The following CCHCR1 variants were observed in gnomAD, a reference collection of about 807,000 sequenced individuals.
CCHCR1 encodes the protein coiled-coil alpha-helical rod protein 1, also known as HCR (a-helix coiled-coil rod homologue).
A neutral mutation model predicts 114.6 loss-of-function variants in CCHCR1; 91 were observed. The observed-to-expected ratio is 0.79, with a 90% CI of 0.67 to 0.94. The LOEUF (loss-of-function observed/expected upper bound fraction) is 0.94, where lower values mean the gene tolerates loss of function less well. Among genes scored for constraint, CCHCR1 ranks in the 40% least tolerant of loss-of-function variants. The pLI, the probability that CCHCR1 is intolerant of heterozygous loss-of-function variation, is 0.00. For missense variants in CCHCR1, 899 were observed against 1,079.9 expected, an observed-to-expected ratio of 0.83 and a Z score of 2.35; for synonymous variants, 379 against 428.5, an observed-to-expected ratio of 0.88 and a Z score of 1.43.
In CCHCR1 at chr6:31,150,933, G is replaced by T. The variant is rs746987024; in HGVS notation, c.965+26C>A. 1 of 1,611,506 alleles carries T rather than the reference G, an allele frequency of 6.2e-7. No individual in the cohort carries two copies. Among genetic ancestry groups the T allele is most frequent in the South Asian group, 1.1e-5 (1 of 90,984 alleles). On this transcript the variant is annotated intron_variant, in intron 5 of 17. Transcript: ENST00000396268. The surrounding 1 kb of genome is among the most constrained non-coding windows in gnomAD (Gnocchi z 5.3). The stretch of plus-strand genomic sequence containing the variant: ...GATCCACCACATCACTAATTGCTGG[G>T]CTCCCGTCGGCGTCCGCCCACCTAC...
At chr6:31,152,542 T>C (rs1374910542) in intron 4 of CCHCR1, among the ~76,000 whole-genome samples, 1 of 152,112 alleles carries the variant, frequency 6.6e-6, no homozygotes, top group Admixed American at 6.5e-5. Flanking sequence ...TTTTACCATG[T>C]TGGCCAGGCT....
rs1162808054 is a variant in CCHCR1, at chr6:31,150,438, T to C, written c.1212+17A>G. Reference sequence around the variant, plus strand: ...AGGATGCGGCTGAGGGTGAGGGGTCTGGGGGTTGGGCTGTACCTTCCTGGT... The same window carrying C: ...AGGATGCGGCTGAGGGTGAGGGGTCCGGGGGTTGGGCTGTACCTTCCTGGT... On this transcript the variant is annotated intron_variant, in intron 7 of 17. Transcript: ENST00000396268. The surrounding 1 kb of genome is among the most constrained non-coding windows in gnomAD (Gnocchi z 5.3). 1 of 1,600,826 alleles carries C rather than the reference T, an allele frequency of 6.2e-7. No homozygotes were observed. Among genetic ancestry groups the C allele is most frequent in the Non-Finnish European group, 8.5e-7 (1 of 1,170,712 alleles).
At position 31,154,748 on chromosome 6, in the gene CCHCR1, G is replaced by A. The variant is rs780859794; in HGVS notation, c.549C>T (p.Ile183=). The A allele has an allele frequency of 1.2e-5, 20 of 1,606,732 alleles. No individual in the cohort carries two copies. Among genetic ancestry groups the A allele is most frequent in the East Asian group, 6.7e-5 (3 of 44,892 alleles). The change falls in exon 4 of 18, where the codon ATC becomes ATT. Residue 183 remains isoleucine, a synonymous_variant. Transcript: ENST00000396268. The surrounding 1 kb of genome is among the most constrained non-coding windows in gnomAD (Gnocchi z 4.1). ...GCCGCAGCTCTTGCAGCTGCCGAAC[G>A]ATCACCTCAGCCTGCTGGCTCAGGG... The part of the protein sequence containing the change: ...SQALSQQAEV[I]VRQLQELRRL...
intron 8 of CCHCR1, chr6:31,149,276 A>G (rs2022084): frequency 0.75 from 115,272 of 154,102 alleles, 43,163 homozygotes; most frequent in Middle Eastern, 0.85. Context: ...GTGCCCACTC[A>G]AAGATGGGAA....
chr6:31,145,646 C>T, intron 11 of CCHCR1, 50 bp downstream of exon 11: 1 of 1,496,770 alleles, frequency 6.7e-7, no homozygotes, highest in South Asian at 1.1e-5. Flanking sequence ...AGAAGAAAGT[C>T]CGAGCTGGTG....
upstream of CCHCR1, chr6:31,158,000 C>A (rs720465): frequency 0.28 from 71,173 of 254,130 alleles, 10,789 homozygotes; most frequent in African/African-American, 0.32. Flanking sequence ...CCTAGATACC[C>A]GAGGCTTCAC....
At chr6:31,147,399 C>CAAAAAA (rs9278998) in intron 10 of CCHCR1, among the ~76,000 whole-genome samples, 62 of 126,948 alleles carry the variant, frequency 4.9e-4, no homozygotes, top group Non-Finnish European at 5.4e-4. Context: ...GACTCTGTCT[C>CAAAAAA]AAAAAAAAAA....
In CCHCR1 at chr6:31,144,774, C is replaced by A; in HGVS notation, c.2080G>T (p.Val694Leu). Reference sequence around the variant, plus strand: ...CGCAGCCGAGTTTCCACTTCAGCCACCTTTTCTTGCAGGGCTGGGGTGAAA... The same window carrying A: ...CGCAGCCGAGTTTCCACTTCAGCCAACTTTTCTTGCAGGGCTGGGGTGAAA... Reference protein sequence around the residue: ...ELYGQALQEKVAEVETRLREQ... With the variant: ...ELYGQALQEKLAEVETRLREQ... The change falls in exon 15 of 18, where the codon GTG (valine) becomes TTG (leucine). Residue 694 changes from valine to leucine, a missense_variant. Physicochemically the swap from Val to Leu is conservative, Grantham distance 32. Coordinates refer to ENST00000396268, the MANE Select transcript of CCHCR1 (RefSeq NM_001105564.2). The surrounding 1 kb of genome is among the most constrained non-coding windows in gnomAD (Gnocchi z 4.6). 6.2e-7 allele frequency: 1 copy of A among 1,614,052 alleles called. No individual in the cohort carries two copies. Among genetic ancestry groups the A allele is most frequent in the Non-Finnish European group, 8.5e-7 (1 of 1,179,954 alleles).
At chr6:31,149,022 T>C (rs1198061289) in intron 8 of CCHCR1, 4 of 359,020 alleles carry the variant, frequency 1.1e-5, no homozygotes, top group Non-Finnish European at 5.3e-6. Context: ...CGTGATGGCA[T>C]GTGCCTGTAA....
intron 8 of CCHCR1, among the ~76,000 whole-genome samples, 160 bp downstream of exon 8, chr6:31,149,906 G>A (rs1317186596): frequency 6.6e-6 from 1 of 152,190 alleles, no homozygotes; most frequent in African/African-American, 2.4e-5. Flanking sequence ...CGTGTTCTGT[G>A]TCTCTGTTCT....
rs1252576187 is a variant in CCHCR1, at chr6:31,143,493, C to A, written c.2168-80G>T. 5 of 1,480,832 alleles carry A rather than the reference C, an allele frequency of 3.4e-6. No homozygotes were observed. The East Asian group carries it at 1.1e-4, about 34-fold the overall frequency. 91.7% of individuals were successfully genotyped at this position (1,480,832 alleles called of 1,614,324 possible). A position where few individuals can be genotyped will look rare whatever the true frequency, so the allele number is the denominator to read the frequency against. ...CAGGCACCATGAAGACAGGAACAAACGCTGGGTCACCAACTCTGTGGCTTG... is the reference window on the plus strand; with the variant it reads ...CAGGCACCATGAAGACAGGAACAAAAGCTGGGTCACCAACTCTGTGGCTTG... On this transcript the variant is annotated intron_variant, in intron 15 of 17. Coordinates refer to ENST00000396268, the MANE Select transcript of CCHCR1 (RefSeq NM_001105564.2). This position sits in a 1 kb window ranked among gnomAD's most constrained non-coding sequence, Gnocchi z 5.3.
In CCHCR1 at chr6:31,143,798, C is replaced by G. The variant is rs191988279; in HGVS notation, c.2168-385G>C. Among the ~76,000 whole-genome samples the G allele has an allele frequency of 2.0e-5, 3 of 152,218 alleles. No homozygotes were observed. The highest frequency in any genetic ancestry group is 7.2e-5 in the African/African-American group (3 of 41,456). On this transcript the variant is annotated intron_variant, in intron 15 of 17. Coordinates refer to ENST00000396268, the MANE Select transcript of CCHCR1 (RefSeq NM_001105564.2). The surrounding 1 kb of genome is among the most constrained non-coding windows in gnomAD (Gnocchi z 5.3). ...CAACTTACTTAGGCGTGGTGGCTCA[C>G]GCCTATAATCCCAGCACTTTGGGAT...
Position 31,154,577 on chromosome 6 carries a change from A to G in CCHCR1, c.720T>C (p.Ala240=). 6.2e-7 allele frequency: 1 copy of G among 1,612,980 alleles called. No homozygotes were observed. Among genetic ancestry groups the G allele is most frequent in the Non-Finnish European group, 8.5e-7 (1 of 1,179,988 alleles). ...AGTTCTTCCGGACAACCTCAGCCCCAGCCAAAGCAGCACGCAGGCCCTCAG... is the reference window on the plus strand; with the variant it reads ...AGTTCTTCCGGACAACCTCAGCCCCGGCCAAAGCAGCACGCAGGCCCTCAG... ...AEAEGLRAAL[A]GAEVVRKNLE... Residue 240 remains alanine, a synonymous_variant, in exon 4 of 18, where the codon GCT becomes GCC. Coordinates refer to ENST00000396268, the MANE Select transcript of CCHCR1 (RefSeq NM_001105564.2). The surrounding 1 kb of genome is among the most constrained non-coding windows in gnomAD (Gnocchi z 4.1).
intron 4 of CCHCR1, among the ~76,000 whole-genome samples, chr6:31,153,619 G>A (rs919746481): frequency 4.6e-5 from 7 of 151,904 alleles, no homozygotes; most frequent in Admixed American, 6.6e-5. Flanking sequence ...TTGCTCTGTC[G>A]CCCAGGCTGG....
In CCHCR1 at chr6:31,154,499, C is replaced by A; in HGVS notation, c.798G>T (p.Glu266Asp). Residue 266 changes from glutamate to aspartate, a missense_variant, in exon 4 of 18, where the codon GAG becomes GAT. Glu to Asp is a conservative substitution (Grantham distance 45, BLOSUM62 2). Transcript: ENST00000396268. This position sits in a 1 kb window ranked among gnomAD's most constrained non-coding sequence, Gnocchi z 4.1. Reference protein sequence around the residue: ...ELEEVQRLHQEQLSSLTQAHE... With the variant: ...ELEEVQRLHQDQLSSLTQAHE... ...TCCTTTCTACCCCTGCATTCACCTG[C>A]TCTTGGTGCAGCCTCTGAACCTCTT... The A allele has an allele frequency of 6.2e-7, 1 of 1,607,824 alleles. No individual in the cohort carries two copies. Among genetic ancestry groups the A allele is most frequent in the East Asian group, 2.2e-5 (1 of 44,722 alleles).
In CCHCR1 at chr6:31,145,228, T is replaced by G. The variant is rs575266029; in HGVS notation, c.1814A>C (p.Asp605Ala). 3 of 1,613,516 alleles carry G rather than the reference T, an allele frequency of 1.9e-6. No homozygotes were observed. Among genetic ancestry groups the G allele is most frequent in the Admixed American group, 1.7e-5 (1 of 60,010 alleles). The change falls in exon 13 of 18, where the codon GAT becomes GCT. Residue 605 changes from aspartate (D) to alanine (A), a missense_variant. Physicochemically the swap from Asp to Ala is moderately radical, Grantham distance 126. Transcript: ENST00000396268. ...QQLREERNRL[D>A]AELQLSARLI... ...GCGGGCACTCAGCTGCAGTTCTGCA[T>G]CCAGGCGGTTCCGTTCTTCCCGCAA...
intron 3 of CCHCR1, chr6:31,156,349 G>T: frequency 4.1e-6 from 1 of 242,150 alleles, no homozygotes; most frequent in Non-Finnish European, 7.8e-6. Context: ...AGCTCCCACA[G>T]CATGTCCTCT....
In CCHCR1 at chr6:31,154,748, G is replaced by T. The variant is rs780859794; in HGVS notation, c.549C>A (p.Ile183=). Residue 183 remains isoleucine, a synonymous_variant, in exon 4 of 18, where the codon ATC becomes ATA. Transcript: ENST00000396268. The surrounding 1 kb of genome is among the most constrained non-coding windows in gnomAD (Gnocchi z 4.1). ...SQALSQQAEV[I]VRQLQELRRL... is the part of the protein sequence containing the mutation. ...GCCGCAGCTCTTGCAGCTGCCGAAC[G>T]ATCACCTCAGCCTGCTGGCTCAGGG... 3 of 1,606,848 alleles carry T rather than the reference G, an allele frequency of 1.9e-6. No homozygotes were observed. Among genetic ancestry groups the T allele is most frequent in the Non-Finnish European group, 1.7e-6 (2 of 1,179,726 alleles).
Position 31,157,556 on chromosome 6 carries a change from T to TA in CCHCR1, c.44dup (p.Leu15PhefsTer23). ...CCATGACTCTTGGGTCCTTCCCTGTTAAAGTGCTGGCCCAAGGCCTGGCCC... is the reference window on the plus strand; with the variant it reads ...CCATGACTCTTGGGTCCTTCCCTGTTAAAAGTGCTGGCCCAAGGCCTGGCCC... On this transcript the variant is annotated frameshift_variant, in exon 1 of 18. Transcript: ENST00000396268. LOFTEE classifies it high-confidence loss of function. 6.2e-7 allele frequency: 1 copy of TA among 1,612,902 alleles called. No homozygotes were observed. The highest frequency in any genetic ancestry group is 1.7e-5 in the Admixed American group (1 of 60,010).
Sources: allele counts gnomAD v4.1 joint callset (sites outside exome capture counted in the v4.1 genomes callset), GRCh38; gene constraint gnomAD v4.1.1; non-coding constraint Gnocchi (gnomAD v3.1); transcripts MANE v1.5; gene names NCBI Gene and HGNC (gene_info 2026-07-23, HGNC 2026-07-21).